The following VRK2 variants were observed in gnomAD, a reference collection of about 807,000 sequenced individuals.
The protein encoded by VRK2 is serine/threonine-protein kinase VRK2.
VRK2 carries 60 observed loss-of-function variants against 57.6 expected under a neutral mutation model. That is an observed-to-expected ratio of 1.04 (90% confidence interval 0.85 to 1.29). The LOEUF is 1.29. VRK2 is among the 50% of genes most tolerant of loss of function. VRK2 has a pLI of 0.00. For missense variants in VRK2, 705 were observed against 588.1 expected (o/e 1.20, Z -2.06); for synonymous variants, 231 against 199.2 (o/e 1.16, Z -1.35).
chr2:58,159,638 G>T lies in VRK2; in HGVS notation c.1472G>T (p.Arg491Leu), dbSNP rs192754138. The change falls in exon 13 of 13, where the codon CGC becomes CTC. Residue 491 changes from arginine (R) to leucine (L), a missense_variant. Physicochemically the swap from Arg to Leu is moderately radical, Grantham distance 102. Coordinates refer to ENST00000340157, the MANE Select transcript of VRK2 (RefSeq NM_006296.7). ...EETNADVYYY[R>L]IIIPVLLMLV... ...ACAAACGCAGATGTTTATTATTATC[G>T]CATCATCATACCTGTCCTTTTGATG... The T allele has an allele frequency of 1.3e-5, 21 of 1,613,476 alleles. No individual in the cohort carries two copies. In the South Asian group the frequency reaches 1.9e-4, roughly 14 times the overall value.
At chr2:58,156,742 A>G (rs927562644) in intron 12 of VRK2, among the ~76,000 whole-genome samples, 11 of 152,134 alleles carry the variant, frequency 7.2e-5, no homozygotes, top group African/African-American at 1.2e-4. Context: ...CACCTCCCCC[A>G]TATCTGTTCA....
chr2:57,963,674 G>C (rs537889311), intron 1 of VRK2, among the ~76,000 whole-genome samples: 1 of 152,280 alleles, frequency 6.6e-6, no homozygotes, highest in South Asian at 2.1e-4. Flanking sequence ...ACACATTCAC[G>C]TATCAGTCCC....
chr2:58,091,781 T>C (rs1672414702), intron 7 of VRK2, among the ~76,000 whole-genome samples: 1 of 152,006 alleles, frequency 6.6e-6, no homozygotes, highest in African/African-American at 2.4e-5. Context: ...GGAATATGAC[T>C]GTCCTAGAAA....
intron 8 of VRK2, among the ~76,000 whole-genome samples, chr2:58,127,442 T>A (rs1678537066): frequency 6.6e-6 from 1 of 152,140 alleles, no homozygotes; most frequent in Non-Finnish European, 1.5e-5. Context: ...ATTTAAAAGG[T>A]ACTGAAAAAA....
chr2:57,950,211 T>C (rs914202744), intron 1 of VRK2, among the ~76,000 whole-genome samples: 1 of 152,246 alleles, frequency 6.6e-6, no homozygotes, highest in Non-Finnish European at 1.5e-5. Context: ...TCCATGTAGA[T>C]AAAACAGCCT....
At chr2:58,122,265 A>G (rs917052607) in intron 7 of VRK2, among the ~76,000 whole-genome samples, 4 of 152,196 alleles carry the variant, frequency 2.6e-5, no homozygotes, top group African/African-American at 4.8e-5. Context: ...ACCTATGACA[A>G]TGCCAGGGTT....
At chr2:58,027,780 T>C (rs78281185) in intron 2 of VRK2, among the ~76,000 whole-genome samples, 9,467 of 152,208 alleles carry the variant, frequency 0.062, 409 homozygotes, top group Non-Finnish European at 0.093. Context: ...AGTATAAGTG[T>C]CCAGCATGGG....
At chr2:58,068,492 G>T (rs1668930179) in intron 2 of VRK2, among the ~76,000 whole-genome samples, 1 of 152,046 alleles carries the variant, frequency 6.6e-6, no homozygotes, top group Admixed American at 6.6e-5. Flanking sequence ...ACTATAATGT[G>T]TCTGGGCATT....
At chr2:58,073,559 C>T (rs1244330810) in intron 2 of VRK2, among the ~76,000 whole-genome samples, 1 of 150,912 alleles carries the variant, frequency 6.6e-6, no homozygotes, top group Non-Finnish European at 1.5e-5. Flanking sequence ...TATTTAATAT[C>T]CCTCTTTATT....
chr2:57,908,958 G>GA (rs1210158569), intron 1 of VRK2, among the ~76,000 whole-genome samples: 1 of 152,116 alleles, frequency 6.6e-6, no homozygotes, highest in Non-Finnish European at 1.5e-5. Flanking sequence ...CAAAACCTTA[G>GA]AAAATTATTA....
chr2:57,933,315 T>C (rs1282697660), intron 1 of VRK2, among the ~76,000 whole-genome samples: 9 of 131,028 alleles, frequency 6.9e-5, no homozygotes, highest in East Asian at 4.2e-4. Context: ...TTTTCTTTTT[T>C]TTTTTTTTTT....
Position 58,084,879 on chromosome 2 carries a change from A to T in VRK2, c.187-2A>T. 1.3e-6 allele frequency: 2 copies of T among 1,518,752 alleles called. No individual in the cohort carries two copies. The highest frequency in any genetic ancestry group is 1.8e-6 in the Non-Finnish European group (2 of 1,117,574). 94.1% of individuals were successfully genotyped at this position (1,518,752 alleles called of 1,614,324 possible). A position where few individuals can be genotyped will look rare whatever the true frequency, so the allele number is the denominator to read the frequency against. On this transcript the variant is annotated splice_acceptor_variant, in intron 3 of 12. Coordinates refer to ENST00000340157, the MANE Select transcript of VRK2 (RefSeq NM_006296.7). LOFTEE classifies it high-confidence loss of function. ...TAAAATTAATTATTCTTTTTTTTAT[A>T]GGAATATCAAGAAAATGGCCCGTTA...
intron 12 of VRK2, among the ~76,000 whole-genome samples, chr2:58,157,597 G>A (rs1573461989): frequency 6.6e-6 from 1 of 152,128 alleles, no homozygotes; most frequent in South Asian, 2.1e-4. Context: ...GTGCAGACCA[G>A]CTGTATTGGC....
chr2:58,133,082 T>C (rs2104548498), intron 9 of VRK2, among the ~76,000 whole-genome samples: 1 of 152,298 alleles, frequency 6.6e-6, no homozygotes, highest in East Asian at 1.9e-4. Flanking sequence ...GTAATGATGC[T>C]ATTTTAAAAA....
chr2:58,084,933 T>C lies in VRK2; in HGVS notation c.239T>C (p.Val80Ala), dbSNP rs775616179. Residue 80 changes from valine (V) to alanine (A), a missense_variant, in exon 4 of 13, where the codon GTT becomes GCT. Coordinates refer to ENST00000340157, the MANE Select transcript of VRK2 (RefSeq NM_006296.7). ...LFSELKFYQR[V>A]AKKDCIKKWI... Reference sequence around the variant, plus strand: ...TCAGAACTTAAATTTTATCAGAGAGTTGCAAAAAAAGACTGTAGTAAGTAA... The same window carrying C: ...TCAGAACTTAAATTTTATCAGAGAGCTGCAAAAAAAGACTGTAGTAAGTAA... The C allele has an allele frequency of 6.3e-7, 1 of 1,587,988 alleles. No individual in the cohort carries two copies. The highest frequency in any genetic ancestry group is 1.2e-5 in the South Asian group (1 of 85,806).
chr2:58,053,778 G>C (rs1391895725), intron 2 of VRK2, among the ~76,000 whole-genome samples: 1 of 152,056 alleles, frequency 6.6e-6, no homozygotes, highest in African/African-American at 2.4e-5. Context: ...GAGATAAATA[G>C]CCTTATCTGA....
intron 12 of VRK2, among the ~76,000 whole-genome samples, chr2:58,150,827 T>G (rs1406240604): frequency 2.0e-5 from 3 of 151,622 alleles, no homozygotes; most frequent in Non-Finnish European, 4.4e-5. Context: ...ATGTGTTGTG[T>G]TTTCATTATT....
chr2:58,125,343 T>G (rs1417092269), intron 8 of VRK2, among the ~76,000 whole-genome samples: 2 of 152,168 alleles, frequency 1.3e-5, no homozygotes, highest in South Asian at 4.1e-4. Flanking sequence ...TTTCATTGTG[T>G]TGTCTTCTTG....
intron 1 of VRK2, among the ~76,000 whole-genome samples, chr2:57,995,064 G>C (rs762279022): frequency 6.6e-6 from 1 of 152,108 alleles, no homozygotes; most frequent in Non-Finnish European, 1.5e-5. Context: ...ACAAATTTAG[G>C]TGTTCTTCTT....
Sources: gnomAD v4.1 joint callset for allele counts (sites outside exome capture counted in the v4.1 genomes callset) on GRCh38, gnomAD v4.1.1 for gene constraint, MANE v1.5 for transcripts, NCBI Gene and HGNC (gene_info 2026-07-23, HGNC 2026-07-21) for gene names.